GUCY1A2: variants seen among roughly 807,000 people sequenced by gnomAD.
GUCY1A2 encodes the protein guanylate cyclase 1 soluble subunit alpha 2, also known as guanylate cyclase soluble subunit alpha-2.
GUCY1A2 carries 27 observed loss-of-function variants against 63.5 expected under a neutral mutation model. That is an observed-to-expected ratio of 0.43 (90% CI 0.31 to 0.59). The LOEUF is 0.59. GUCY1A2 is among the 20% of genes least tolerant of loss of function. The pLI, the probability that GUCY1A2 is intolerant of heterozygous loss-of-function variation, is 0.11. For synonymous variants in GUCY1A2, 364 were observed against 343.5 expected, an observed-to-expected ratio of 1.06 and a Z score of -0.66; for missense variants, 768 against 913.3, an observed-to-expected ratio of 0.84 and a Z score of 2.05.
At chr11:106,698,844 A>G (rs1862768186) in intron 7 of GUCY1A2, among the ~76,000 whole-genome samples, 1 of 152,126 alleles carries the variant, frequency 6.6e-6, no homozygotes, top group Non-Finnish European at 1.5e-5. Flanking sequence ...TATGAAATTC[A>G]CATTATTTTA....
rs79082622 is a variant in GUCY1A2 at position 106,877,608 on chromosome 11, C to G, written c.1206+61852G>C. 9.7e-4 allele frequency among the ~76,000 whole-genome samples: 147 copies of G among 152,132 alleles called. 1 individual carries two copies. The East Asian group carries it at 0.026, about 26-fold the overall frequency. The stretch of plus-strand genomic sequence containing the variant: ...ACTGAAACTGGACCCTTCCTTACAC[C>G]ACATACAAAAATTAACTCAAGATAG... On this transcript the variant is annotated intron_variant, in intron 4 of 7. Coordinates refer to ENST00000526355, the MANE Select transcript of GUCY1A2 (RefSeq NM_000855.3).
chr11:106,851,261 T>A (rs1404381303), intron 4 of GUCY1A2, among the ~76,000 whole-genome samples: 1 of 151,832 alleles, frequency 6.6e-6, no homozygotes, highest in East Asian at 1.9e-4. Flanking sequence ...AGTCCCTTGT[T>A]GGATAAATAG....
chr11:107,015,513 A>T (rs1861807971), intron 1 of GUCY1A2, among the ~76,000 whole-genome samples: 2 of 139,038 alleles, frequency 1.4e-5, no homozygotes, highest in Non-Finnish European at 3.1e-5. Flanking sequence ...AATTAGCATT[A>T]TCAGAGGCAT....
At chr11:106,755,965 C>G (rs1054262614) in intron 6 of GUCY1A2, among the ~76,000 whole-genome samples, 37 of 152,144 alleles carry the variant, frequency 2.4e-4, no homozygotes, top group African/African-American at 7.5e-4. Flanking sequence ...TCTCCGATTA[C>G]TAATGTGTGG....
chr11:106,882,185 T>C (rs1262817013), intron 4 of GUCY1A2, among the ~76,000 whole-genome samples: 1 of 151,950 alleles, frequency 6.6e-6, no homozygotes, highest in Non-Finnish European at 1.5e-5. Flanking sequence ...GTACATAACA[T>C]CTGGAGATGG....
intron 4 of GUCY1A2, among the ~76,000 whole-genome samples, chr11:106,889,157 A>T (rs1280222198): frequency 6.6e-6 from 1 of 152,190 alleles, no homozygotes; most frequent in Non-Finnish European, 1.5e-5. Flanking sequence ...GTCATTTAAC[A>T]ATATTCCCAA....
intron 1 of GUCY1A2, among the ~76,000 whole-genome samples, chr11:107,004,144 G>T (rs1459229202): frequency 6.6e-6 from 1 of 152,140 alleles, no homozygotes; most frequent in African/African-American, 2.4e-5. Context: ...CTAGAGGAAT[G>T]AGTCCTTCAT....
intron 4 of GUCY1A2, among the ~76,000 whole-genome samples, chr11:106,813,889 G>A (rs1858797348): frequency 6.6e-6 from 1 of 152,000 alleles, no homozygotes; most frequent in African/African-American, 2.4e-5. Context: ...TTTATACTTT[G>A]TTACTGAATT....
At chr11:106,968,690 C>T (rs1262168968) in intron 3 of GUCY1A2, among the ~76,000 whole-genome samples, 1 of 16,310 alleles carries the variant, frequency 6.1e-5, no homozygotes, top group African/African-American at 2.8e-4. Context: ...CTTCTAACTG[C>T]CCTTTTCTAC....
intron 3 of GUCY1A2, among the ~76,000 whole-genome samples, chr11:106,942,348 A>T (rs1033305078): frequency 3.9e-5 from 6 of 152,168 alleles, no homozygotes; most frequent in African/African-American, 1.4e-4. Flanking sequence ...ACTTCTTTCT[A>T]TGCCAAATCC....
At chr11:106,711,936 A>T (rs919026500) in intron 6 of GUCY1A2, among the ~76,000 whole-genome samples, 3 of 152,014 alleles carry the variant, frequency 2.0e-5, no homozygotes, top group African/African-American at 7.2e-5. Flanking sequence ...TCTATATATA[A>T]CATATCTTTT....
At chr11:106,966,896 G>GT (rs1474017449) in intron 3 of GUCY1A2, among the ~76,000 whole-genome samples, 1 of 152,128 alleles carries the variant, frequency 6.6e-6, no homozygotes, top group African/African-American at 2.4e-5. Context: ...TTATTAAAAT[G>GT]TAAGATTGAG....
At chr11:106,797,597 C>T (rs1303270683) in intron 5 of GUCY1A2, among the ~76,000 whole-genome samples, 2 of 152,142 alleles carry the variant, frequency 1.3e-5, no homozygotes, top group African/African-American at 4.8e-5. Flanking sequence ...CAAACTAGAA[C>T]TCAGGATTAA....
intron 4 of GUCY1A2, among the ~76,000 whole-genome samples, chr11:106,900,935 G>T (rs1449414378): frequency 6.6e-6 from 1 of 152,220 alleles, no homozygotes; most frequent in Non-Finnish European, 1.5e-5. Context: ...TCAGAGGGTT[G>T]TTGCTGAAGG....
At chr11:106,742,421 C>T (rs558005874) in intron 6 of GUCY1A2, among the ~76,000 whole-genome samples, 2 of 152,102 alleles carry the variant, frequency 1.3e-5, no homozygotes, top group African/African-American at 4.8e-5. Flanking sequence ...CTCCCACTTA[C>T]GAGTGAGAAT....
chr11:106,686,222 A>G lies in GUCY1A2; in HGVS notation c.*1327T>C, dbSNP rs1046353574. 1 of 217,504 alleles carries G rather than the reference A, an allele frequency of 4.6e-6. No individual in the cohort carries two copies. Among genetic ancestry groups the G allele is most frequent in the Non-Finnish European group, 9.2e-6 (1 of 108,210 alleles). 13.5% of individuals were successfully genotyped at this position (217,504 alleles called of 1,614,324 possible). A position where few individuals can be genotyped will look rare whatever the true frequency, so the allele number is the denominator to read the frequency against. ...TTTAGTGTGAGCCAGTAATATTTTC[A>G]TGCAGTATTGATTAATGAGAACAGG... is the stretch of plus-strand genomic sequence containing the variant. On this transcript the variant is annotated 3_prime_UTR_variant, in exon 8 of 8. Transcript: ENST00000526355.
intron 4 of GUCY1A2, chr11:106,826,700 TAG>T (rs1228003535): frequency 1.9e-6 from 3 of 1,609,624 alleles, no homozygotes; most frequent in African/African-American, 1.3e-5. Context: ...TCCATGTCAA[TAG>T]AGTCTCCTGA....
chr11:106,767,688 G>C (rs1176102020), intron 6 of GUCY1A2, among the ~76,000 whole-genome samples: 4 of 152,068 alleles, frequency 2.6e-5, no homozygotes, highest in Admixed American at 2.6e-4. Flanking sequence ...ATATCTTACA[G>C]AGGAATTGTA....
At chr11:106,876,565 A>G (rs1388455590) in intron 4 of GUCY1A2, among the ~76,000 whole-genome samples, 8 of 152,066 alleles carry the variant, frequency 5.3e-5, no homozygotes, top group African/African-American at 7.2e-5. Flanking sequence ...CAAATCATAC[A>G]TGACCAACCT....
Sources: gnomAD v4.1 joint callset for allele counts (sites outside exome capture counted in the v4.1 genomes callset) on GRCh38, gnomAD v4.1.1 for gene constraint, MANE v1.5 for transcripts, NCBI Gene and HGNC (gene_info 2026-07-23, HGNC 2026-07-21) for gene names.